The following NKAIN2 variants were observed in gnomAD, a reference collection of about 807,000 sequenced individuals.
NKAIN2 encodes sodium/potassium-transporting ATPase subunit beta-1-interacting protein 2.
NKAIN2 carries 14 observed loss-of-function variants against 32.6 expected under a neutral mutation model. The ratio of observed to expected loss-of-function variants is 0.43; its 90% CI spans 0.28 to 0.67. The LOEUF is 0.67. Among genes scored for constraint, NKAIN2 ranks in the 30% least tolerant of loss-of-function variants. The probability of loss-of-function intolerance (pLI) is 0.17; values close to 1 mark genes in which losing one functional copy is unlikely to be tolerated. For missense variants in NKAIN2, 198 were observed against 258.3 expected (o/e 0.77, Z 1.60); for synonymous variants, 80 against 87.2 (o/e 0.92, Z 0.46).
intron 3 of NKAIN2, among the ~76,000 whole-genome samples, chr6:124,581,631 C>CT (rs1456487772): frequency 2.0e-5 from 3 of 151,990 alleles, no homozygotes; most frequent in Admixed American, 1.3e-4. Context: ...TTAAAAATGT[C>CT]AAAAAATATC....
At position 124,609,555 on chromosome 6, in the gene NKAIN2, G is replaced by T. The variant is rs368463658; in HGVS notation, c.274-48631G>T. ...ACTCGGCATGGGGGATGAGAGTAAC[G>T]AGTGAAGATGATGAACATGTGTCTG... On this transcript the variant is annotated intron_variant, in intron 3 of 6. Coordinates refer to ENST00000368417, the MANE Select transcript of NKAIN2 (RefSeq NM_001040214.3). 3.9e-5 allele frequency among the ~76,000 whole-genome samples: 6 copies of T among 152,130 alleles called. No individual in the cohort carries two copies. In the South Asian group the frequency reaches 1.2e-3, roughly 32 times the overall value.
intron 3 of NKAIN2, among the ~76,000 whole-genome samples, chr6:124,428,425 G>T (rs1775073251): frequency 6.6e-6 from 1 of 151,996 alleles, no homozygotes; most frequent in South Asian, 2.1e-4. Flanking sequence ...AAGTATACTT[G>T]GTTTTTTATT....
At chr6:124,158,155 G>A (rs573320029) in intron 1 of NKAIN2, among the ~76,000 whole-genome samples, 1 of 152,092 alleles carries the variant, frequency 6.6e-6, no homozygotes. Flanking sequence ...TGCCAGCAGG[G>A]CAGTTTTCTT....
chr6:124,324,279 T>C (rs1797328520), intron 2 of NKAIN2, among the ~76,000 whole-genome samples: 1 of 152,214 alleles, frequency 6.6e-6, no homozygotes, highest in African/African-American at 2.4e-5. Flanking sequence ...ATCTTTGATT[T>C]CTTTCATAAG....
chr6:124,387,607 A>T (rs1412346774), intron 3 of NKAIN2, among the ~76,000 whole-genome samples: 1 of 152,124 alleles, frequency 6.6e-6, no homozygotes, highest in Non-Finnish European at 1.5e-5. Context: ...ATGTTTGTGT[A>T]TAGCTTTTGT....
At chr6:124,500,619 A>G (rs1324129030) in intron 3 of NKAIN2, among the ~76,000 whole-genome samples, 2 of 151,962 alleles carry the variant, frequency 1.3e-5, no homozygotes. Context: ...ACGCCACTGC[A>G]CTCCAGCCTG....
At position 124,347,185 on chromosome 6, in the gene NKAIN2, A is replaced by C. The variant is rs13191615; in HGVS notation, c.193-8082A>C. Among the ~76,000 whole-genome samples, 785 of 152,258 alleles carry C rather than the reference A, an allele frequency of 5.2e-3. 5 individuals carry two copies. Among genetic ancestry groups the C allele is most frequent in the Non-Finnish European group, 8.0e-3 (542 of 68,036 alleles). On this transcript the variant is annotated intron_variant, in intron 2 of 6. Transcript: ENST00000368417. The stretch of plus-strand genomic sequence containing the variant: ...GCCCCCACTCTCTTCTGGCTTGTAG[A>C]GTTTCTGCTGAGAGATCAGCTGTTA...
intron 1 of NKAIN2, among the ~76,000 whole-genome samples, chr6:124,046,786 A>G (rs1346495216): frequency 6.6e-6 from 1 of 151,976 alleles, no homozygotes; most frequent in Non-Finnish European, 1.5e-5. Context: ...GCCAAGGAGT[A>G]CAGTAGGAGT....
At position 124,074,312 on chromosome 6, in the gene NKAIN2, TATTATTTTGTTCGTAAA is replaced by T. The variant is rs560355981; in HGVS notation, c.55-208674_55-208658del. On this transcript the variant is annotated intron_variant, in intron 1 of 6. Transcript: ENST00000368417. ...AGGAGGAGAGCAGGTGTTCAGCATATATTATTTTGTTCGTAAAATTATTTTGTTCGTAAAAACAGGCA... is the reference window on the plus strand; with the variant it reads ...AGGAGGAGAGCAGGTGTTCAGCATATATTATTTTGTTCGTAAAAACAGGCA... Among the ~76,000 whole-genome samples the T allele has an allele frequency of 1.1e-3, 167 of 152,294 alleles. 1 individual carries two copies. The Middle Eastern group carries it at 0.024, about 22-fold the overall frequency.
At chr6:124,564,420 G>A (rs150783112) in intron 3 of NKAIN2, among the ~76,000 whole-genome samples, 22 of 152,192 alleles carry the variant, frequency 1.4e-4, no homozygotes, top group African/African-American at 4.1e-4. Context: ...ATCAATCAGC[G>A]CTCTGTAAAA....
At chr6:124,526,377 T>C (rs2114809437) in intron 3 of NKAIN2, among the ~76,000 whole-genome samples, 1 of 152,236 alleles carries the variant, frequency 6.6e-6, no homozygotes, top group South Asian at 2.1e-4. Context: ...AAATATATCT[T>C]ACAGGTTAAA....
intron 1 of NKAIN2, among the ~76,000 whole-genome samples, chr6:124,142,028 T>C (rs1562381976): frequency 6.6e-6 from 1 of 152,194 alleles, no homozygotes; most frequent in African/African-American, 2.4e-5. Context: ...AGTTGCAAGT[T>C]ATCTGTGAGA....
chr6:124,080,510 A>AT (rs998754649), intron 1 of NKAIN2, among the ~76,000 whole-genome samples: 1 of 151,992 alleles, frequency 6.6e-6, no homozygotes, highest in Non-Finnish European at 1.5e-5. Context: ...TTTTTTATCA[A>AT]TTTTCCATTT....
intron 1 of NKAIN2, among the ~76,000 whole-genome samples, chr6:124,276,321 CACAT>C (rs937677152): frequency 2.0e-5 from 3 of 150,166 alleles, no homozygotes; most frequent in African/African-American, 2.5e-5. Context: ...CACACACACA[CACAT>C]ACACACCATC....
chr6:124,430,599 G>A (rs149443378), intron 3 of NKAIN2, among the ~76,000 whole-genome samples: 1 of 151,916 alleles, frequency 6.6e-6, no homozygotes, highest in Non-Finnish European at 1.5e-5. Context: ...ATCTCCATGT[G>A]GTTTCTCCAA....
At chr6:124,808,096 T>A (rs1482496599) in intron 5 of NKAIN2, among the ~76,000 whole-genome samples, 6 of 151,626 alleles carry the variant, frequency 4.0e-5, no homozygotes, top group African/African-American at 1.2e-4. Context: ...ACTATTCCAA[T>A]CAATAGAAAA....
At chr6:124,326,181 G>T (rs993557268) in intron 2 of NKAIN2, among the ~76,000 whole-genome samples, 1 of 142,884 alleles carries the variant, frequency 7.0e-6, no homozygotes. Flanking sequence ...AAATTTCTGA[G>T]CTTTTCTGTT....
chr6:124,756,815 A>G (rs1479980276), intron 4 of NKAIN2, among the ~76,000 whole-genome samples: 5 of 152,072 alleles, frequency 3.3e-5, no homozygotes, highest in Non-Finnish European at 7.4e-5. Context: ...TAGGTCTCTC[A>G]TGTCATTAGT....
At chr6:124,406,939 ATTATGT>A (rs1447584786) in intron 3 of NKAIN2, among the ~76,000 whole-genome samples, 4 of 151,714 alleles carry the variant, frequency 2.6e-5, no homozygotes, top group Admixed American at 2.6e-4. Context: ...TTTTCTTATT[ATTATGT>A]TTATAATTTT....
Sources: allele counts gnomAD v4.1 joint callset (sites outside exome capture counted in the v4.1 genomes callset), GRCh38; gene constraint gnomAD v4.1.1; transcripts MANE v1.5; gene names NCBI Gene and HGNC (gene_info 2026-07-23, HGNC 2026-07-21).